Variants in GALNT17 observed in about 807,000 individuals in gnomAD.
GALNT17 encodes UDP-GalNAc:polypeptide N-acetylgalactosaminyltransferase-like 3.
In GALNT17, 29 loss-of-function variants were observed where a neutral mutation model predicts 63.7. The observed-to-expected ratio is 0.46, with a 90% confidence interval of 0.34 to 0.62. GALNT17 has a LOEUF of 0.62. Among genes scored for constraint, GALNT17 ranks in the 20% least tolerant of loss-of-function variants. GALNT17 has a pLI of 0.01. For synonymous variants in GALNT17, 305 were observed against 318.3 expected (o/e 0.96, Z 0.45); for missense variants, 603 against 799.6 (o/e 0.75, Z 2.97).
In GALNT17 at chr7:71,303,164, T is replaced by A. The variant is rs981480353; in HGVS notation, c.239-32386T>A. On this transcript the variant is annotated intron_variant, in intron 1 of 10. Transcript: ENST00000333538. ...AGGCATGAGCCACTGCACCCAGCCT[T>A]TTTTTTTTTTGAGACAGGTTCTCGC... Among the ~76,000 whole-genome samples the A allele has an allele frequency of 5.3e-4, 5 of 9,374 alleles. No homozygotes were observed. The Non-Finnish European group carries it at 7.9e-3, about 15-fold the overall frequency. The allele number at this position is 9,374 out of a possible 152,430, so 6.1% of individuals were successfully genotyped here.
At chr7:71,501,261 G>T (rs761737818) in intron 5 of GALNT17, among the ~76,000 whole-genome samples, 1 of 151,670 alleles carries the variant, frequency 6.6e-6, no homozygotes, top group South Asian at 2.1e-4. Flanking sequence ...GAGCCACCGC[G>T]CCCAGCCTAG....
At chr7:71,254,663 T>G (rs1172461993) in intron 1 of GALNT17, among the ~76,000 whole-genome samples, 1 of 152,096 alleles carries the variant, frequency 6.6e-6, no homozygotes, top group Non-Finnish European at 1.5e-5. Context: ...TCAGGTTTCT[T>G]TGGAATGCCC....
chr7:71,385,466 A>G (rs1456529410), intron 2 of GALNT17, among the ~76,000 whole-genome samples: 2 of 152,094 alleles, frequency 1.3e-5, no homozygotes, highest in Non-Finnish European at 2.9e-5. Context: ...TTAGCACAGG[A>G]CTTTTGCAAG....
chr7:71,196,856 G>A (rs952238334), intron 1 of GALNT17, among the ~76,000 whole-genome samples: 50 of 152,068 alleles, frequency 3.3e-4, no homozygotes, highest in African/African-American at 1.2e-3. Context: ...GTTTCACCAT[G>A]TTGGCCAGGC....
chr7:71,533,683 A>G (rs1197374852), intron 5 of GALNT17, among the ~76,000 whole-genome samples: 20 of 152,138 alleles, frequency 1.3e-4, no homozygotes, highest in Admixed American at 1.2e-3. Flanking sequence ...GTTTCTTTGC[A>G]TGTGCTGCTG....
intron 1 of GALNT17, among the ~76,000 whole-genome samples, chr7:71,241,826 C>CT (rs1790002125): frequency 6.6e-6 from 1 of 152,084 alleles, no homozygotes; most frequent in Non-Finnish European, 1.5e-5. Flanking sequence ...GAGTTCTAGG[C>CT]TGCAGTGAGC....
At chr7:71,181,270 T>A (rs4719086) in intron 1 of GALNT17, among the ~76,000 whole-genome samples, 17,636 of 142,550 alleles carry the variant, frequency 0.12, 1,586 homozygotes, top group African/African-American at 0.27. Context: ...AAAAAAAAAG[T>A]AATGGCTTAA....
At chr7:71,531,344 C>T (rs1382495215) in intron 5 of GALNT17, among the ~76,000 whole-genome samples, 1 of 151,932 alleles carries the variant, frequency 6.6e-6, no homozygotes, top group East Asian at 1.9e-4. Context: ...TAAGATCTAC[C>T]CCCTTAGCAA....
chr7:71,594,848 G>T (rs1789863327), intron 6 of GALNT17, among the ~76,000 whole-genome samples: 1 of 152,156 alleles, frequency 6.6e-6, no homozygotes. Context: ...GTGTATTATG[G>T]GTTGCATTGT....
chr7:71,529,304 T>TGG (rs60199686), intron 5 of GALNT17, among the ~76,000 whole-genome samples: 1 of 151,752 alleles, frequency 6.6e-6, no homozygotes, highest in Non-Finnish European at 1.5e-5. Flanking sequence ...CTTCAAGGGA[T>TGG]GGGGGGGCAA....
intron 3 of GALNT17, among the ~76,000 whole-genome samples, chr7:71,407,897 A>C (rs1036561013): frequency 2.6e-5 from 4 of 152,156 alleles, no homozygotes; most frequent in Non-Finnish European, 4.4e-5. Flanking sequence ...GTTAGTGGTC[A>C]CCAGGGGTTG....
chr7:71,209,598 C>T (rs1379515540), intron 1 of GALNT17, among the ~76,000 whole-genome samples: 9 of 152,116 alleles, frequency 5.9e-5, no homozygotes, highest in Non-Finnish European at 8.8e-5. Flanking sequence ...CAGGCTCAAG[C>T]GATTCTCCCA....
chr7:71,188,939 T>G (rs1788901390), intron 1 of GALNT17, among the ~76,000 whole-genome samples: 1 of 152,098 alleles, frequency 6.6e-6, no homozygotes, highest in African/African-American at 2.4e-5. Flanking sequence ...GAAATACACC[T>G]TGGTATATTG....
intron 6 of GALNT17, among the ~76,000 whole-genome samples, chr7:71,625,299 C>T (rs1437796387): frequency 6.6e-6 from 1 of 152,138 alleles, no homozygotes; most frequent in Non-Finnish European, 1.5e-5. Flanking sequence ...TGTGTGCCAC[C>T]ACACCTGGCC....
intron 5 of GALNT17, among the ~76,000 whole-genome samples, chr7:71,524,059 A>G (rs1788575135): frequency 6.6e-6 from 1 of 151,098 alleles, no homozygotes; most frequent in South Asian, 2.1e-4. Context: ...CAGAGGTTGC[A>G]GTGAGCTGAG....
At chr7:71,408,953 T>A (rs1284817995) in intron 3 of GALNT17, among the ~76,000 whole-genome samples, 1 of 151,362 alleles carries the variant, frequency 6.6e-6, no homozygotes, top group Admixed American at 6.6e-5. Context: ...ATATATATAC[T>A]GTATATGTGT....
At chr7:71,340,659 C>G (rs1791991607) in intron 2 of GALNT17, among the ~76,000 whole-genome samples, 1 of 152,094 alleles carries the variant, frequency 6.6e-6, no homozygotes, top group South Asian at 2.1e-4. Flanking sequence ...AAACAACAAA[C>G]TTTGTTTCTG....
chr7:71,206,447 A>C (rs1789273527), intron 1 of GALNT17, among the ~76,000 whole-genome samples: 1 of 152,054 alleles, frequency 6.6e-6, no homozygotes. Flanking sequence ...AGCTCTCTTG[A>C]GAGTGGAGGC....
chr7:71,267,109 G>C (rs1184734422), intron 1 of GALNT17, among the ~76,000 whole-genome samples: 1 of 152,226 alleles, frequency 6.6e-6, no homozygotes, highest in African/African-American at 2.4e-5. Context: ...GTTAGCACAT[G>C]CTGCATCCCT....
Sources: allele counts gnomAD v4.1 joint callset (sites outside exome capture counted in the v4.1 genomes callset), GRCh38; gene constraint gnomAD v4.1.1; transcripts MANE v1.5; gene names NCBI Gene and HGNC (gene_info 2026-07-23, HGNC 2026-07-21).